The following MTBP variants were observed in gnomAD, a reference collection of about 807,000 sequenced individuals.
MTBP encodes mdm2-binding protein.
A neutral mutation model predicts 117.0 loss-of-function variants in MTBP; 101 were observed. The observed-to-expected ratio is 0.86, with a 90% CI of 0.73 to 1.02. The LOEUF (loss-of-function observed/expected upper bound fraction) is 1.02. Among genes scored for constraint, MTBP ranks in the 50% least tolerant of loss-of-function variants. The pLI is 0.00. For synonymous variants in MTBP, 350 were observed against 351.5 expected, an observed-to-expected ratio of 1.00 and a Z score of 0.05; for missense variants, 970 against 1,030.9, an observed-to-expected ratio of 0.94 and a Z score of 0.81.
Position 120,506,761 on chromosome 8 carries a change from C to T in MTBP, c.1783C>T (p.Arg595Trp), listed in dbSNP as rs780111338. 1.7e-5 allele frequency: 28 copies of T among 1,613,196 alleles called. No homozygotes were observed. Among genetic ancestry groups the T allele is most frequent in the Non-Finnish European group, 2.0e-5 (24 of 1,179,616 alleles). The change falls in exon 16 of 22, where the codon CGG becomes TGG. Residue 595 changes from arginine (R) to tryptophan (W), a missense_variant. By Grantham distance (101) the Arg-to-Trp change is moderately radical (BLOSUM62 -3). Coordinates refer to ENST00000305949, the MANE Select transcript of MTBP (RefSeq NM_022045.5). ...EQLLGHKEGP[R>W]DSITLLDAKE... ...GTTGCTGGGCCACAAAGAGGGTCCT[C>T]GGGACTCAATCACATTGTTGGATGC...
At position 120,505,714 on chromosome 8, in the gene MTBP, G is replaced by A. The variant is rs1814672993; in HGVS notation, c.1728-992G>A. Among the ~76,000 whole-genome samples, 3 of 152,236 alleles carry A rather than the reference G, an allele frequency of 2.0e-5. No homozygotes were observed. In the South Asian group the frequency reaches 6.2e-4, roughly 32 times the overall value. On this transcript the variant is annotated intron_variant, in intron 15 of 21. Transcript: ENST00000305949. ...CATTGAAATATTTTATTTATGCTAT[G>A]GTAACAGAGCTAAGGTGATCTGATT... is the stretch of plus-strand genomic sequence containing the variant.
At chr8:120,508,245 A>G (rs1814730307) in intron 16 of MTBP, among the ~76,000 whole-genome samples, 1 of 152,220 alleles carries the variant, frequency 6.6e-6, no homozygotes, top group South Asian at 2.1e-4. Context: ...AAGTACAAAC[A>G]TGACTCCTAT....
At chr8:120,508,167 C>T (rs1008352723) in intron 16 of MTBP, among the ~76,000 whole-genome samples, 3 of 152,104 alleles carry the variant, frequency 2.0e-5, no homozygotes, top group African/African-American at 4.8e-5. Flanking sequence ...GGTAATAAAT[C>T]AGGAACCTAT....
At position 120,511,390 on chromosome 8, in the gene MTBP, G is replaced by T. The variant is rs190851242; in HGVS notation, c.1979+1361G>T. On this transcript the variant is annotated intron_variant, in intron 17 of 21. Transcript: ENST00000305949. ...GGCTCACTGCAACCTCCGTTTCCCG[G>T]GTTCAAGTGATTCTCATGCCTCAGC... is the stretch of plus-strand genomic sequence containing the variant. 2.9e-3 allele frequency among the ~76,000 whole-genome samples: 444 copies of T among 152,236 alleles called. 4 individuals are homozygous for T. The highest frequency in any genetic ancestry group is 0.01 in the African/African-American group (426 of 41,544).
At chr8:120,450,682 T>C (rs1476140060) in intron 2 of MTBP, among the ~76,000 whole-genome samples, 1 of 152,172 alleles carries the variant, frequency 6.6e-6, no homozygotes, top group East Asian at 1.9e-4. Context: ...TCAGTAGTAA[T>C]TGAGTAGCTG....
At chr8:120,499,833 T>C (rs1421799330) in intron 14 of MTBP, among the ~76,000 whole-genome samples, 1 of 152,190 alleles carries the variant, frequency 6.6e-6, no homozygotes, top group Non-Finnish European at 1.5e-5. Flanking sequence ...GAACTCATAA[T>C]ACAATAACTA....
In MTBP at chr8:120,455,431, C is replaced by G; in HGVS notation, c.485-4C>G. 1 of 1,576,216 alleles carries G rather than the reference C, an allele frequency of 6.3e-7. No individual in the cohort carries two copies. Among genetic ancestry groups the G allele is most frequent in the Non-Finnish European group, 8.6e-7 (1 of 1,164,888 alleles). ...ATTACAAAAATGCCTTTTTCTCTTT[C>G]TAGGTAGAGCAATGGTAGATATAAT... On this transcript the variant is annotated splice_region_variant and splice_polypyrimidine_tract_variant and intron_variant, in intron 5 of 21. Transcript: ENST00000305949.
intron 11 of MTBP, among the ~76,000 whole-genome samples, chr8:120,482,765 TC>T (rs113869225): frequency 0.53 from 80,452 of 151,044 alleles, 24,426 homozygotes; most frequent in Non-Finnish European, 0.67. Context: ...AGTAGCGTGA[TC>T]TCGGCTCACT....
intron 11 of MTBP, among the ~76,000 whole-genome samples, chr8:120,480,444 T>C (rs1169335195): frequency 1.3e-5 from 2 of 151,946 alleles, no homozygotes; most frequent in Non-Finnish European, 2.9e-5. Context: ...AAACTGATCC[T>C]AAATTTATAT....
rs1175153631 is a variant in MTBP, at chr8:120,510,026, T to C, written c.1976T>C (p.Ile659Thr). The change falls in exon 17 of 22, where the codon ATT becomes ACT. Residue 659 changes from isoleucine (I) to threonine (T), a missense_variant. Coordinates refer to ENST00000305949, the MANE Select transcript of MTBP (RefSeq NM_022045.5). The stretch of plus-strand genomic sequence containing the variant: ...GCCTCAGTATGTCATTATCATGGAA[T>C]TGAGTAAGTTTTTATTTGTACTTTA... ...EKASVCHYHGIEYCLDDRKAL... is the reference protein window; with the variant it reads ...EKASVCHYHGTEYCLDDRKAL... 3 of 1,602,048 alleles carry C rather than the reference T, an allele frequency of 1.9e-6. No individual in the cohort carries two copies. Among genetic ancestry groups the C allele is most frequent in the Non-Finnish European group, 2.6e-6 (3 of 1,170,908 alleles).
chr8:120,452,168 C>A (rs1813371127), intron 4 of MTBP: 1 of 152,042 alleles, frequency 6.6e-6, no homozygotes, highest in Non-Finnish European at 1.5e-5. Flanking sequence ...TGAAATATCC[C>A]ACCTCTTATA....
intron 15 of MTBP, among the ~76,000 whole-genome samples, chr8:120,506,278 T>C (rs1814683976): frequency 6.6e-6 from 1 of 152,164 alleles, no homozygotes; most frequent in Non-Finnish European, 1.5e-5. Flanking sequence ...TTCCAGTTCA[T>C]GGAAAATTGG....
At chr8:120,469,791 A>G (rs570377846) in intron 10 of MTBP, among the ~76,000 whole-genome samples, 3 of 152,384 alleles carry the variant, frequency 2.0e-5, no homozygotes, top group African/African-American at 7.2e-5. Flanking sequence ...ATTTAAGAAC[A>G]TATTCCAATA....
intron 16 of MTBP, among the ~76,000 whole-genome samples, chr8:120,507,175 AT>A (rs557841653): frequency 6.0e-5 from 9 of 150,668 alleles, no homozygotes; most frequent in African/African-American, 9.7e-5. Context: ...GACTTACAAA[AT>A]TTTTTTTTTA....
At chr8:120,501,653 A>C (rs1814590192) in intron 14 of MTBP, among the ~76,000 whole-genome samples, 1 of 152,178 alleles carries the variant, frequency 6.6e-6, no homozygotes, top group Admixed American at 6.5e-5. Context: ...TAGTTAATCA[A>C]ATAGCTAATG....
intron 15 of MTBP, among the ~76,000 whole-genome samples, 199 bp from the exon 16 acceptor site, chr8:120,506,507 A>G (rs1434573778): frequency 2.0e-5 from 3 of 152,196 alleles, no homozygotes; most frequent in African/African-American, 7.2e-5. Flanking sequence ...TTTTTAAAAC[A>G]TAGTTAGAAA....
chr8:120,453,067 G>A (rs1044845120), intron 4 of MTBP, among the ~76,000 whole-genome samples: 10 of 152,110 alleles, frequency 6.6e-5, no homozygotes, highest in African/African-American at 2.4e-4. Context: ...TGAAGAGGGC[G>A]TCATATTCTT....
At position 120,517,909 on chromosome 8, in the gene MTBP, C is replaced by T. The variant is rs1177215121; in HGVS notation, c.2305C>T (p.His769Tyr). The T allele has an allele frequency of 6.2e-7, 1 of 1,610,598 alleles. No individual in the cohort carries two copies. Among genetic ancestry groups the T allele is most frequent in the Admixed American group, 1.7e-5 (1 of 59,824 alleles). The change falls in exon 19 of 22, where the codon CAC (histidine) becomes TAC (tyrosine). Residue 769 changes from histidine (H) to tyrosine (Y), a missense_variant. Coordinates refer to ENST00000305949, the MANE Select transcript of MTBP (RefSeq NM_022045.5). The part of the protein sequence containing the change: ...LLSQTTGNSN[H>Y]YHHHVTSRKP... ...TTCTCAGACAACTGGTAATAGTAAT[C>T]ACTATCATCATCATGTGACATCCAG...
intron 14 of MTBP, among the ~76,000 whole-genome samples, chr8:120,501,051 C>T (rs1441664450): frequency 6.6e-6 from 1 of 152,054 alleles, no homozygotes; most frequent in Non-Finnish European, 1.5e-5. Context: ...ATTAGCCGGG[C>T]GTGGTGGTGC....
Sources: allele counts gnomAD v4.1 joint callset (sites outside exome capture counted in the v4.1 genomes callset), GRCh38; gene constraint gnomAD v4.1.1; transcripts MANE v1.5; gene names NCBI Gene and HGNC (gene_info 2026-07-23, HGNC 2026-07-21).